The following CADPS2 variants were observed in gnomAD, a reference collection of about 807,000 sequenced individuals.
CADPS2 encodes the protein calcium dependent secretion activator 2.
In CADPS2, 93 loss-of-function variants were observed where a neutral mutation model predicts 172.5. The ratio of observed to expected loss-of-function variants is 0.54; its 90% confidence interval spans 0.46 to 0.64. The LOEUF (loss-of-function observed/expected upper bound fraction) is 0.64. CADPS2 is among the 30% of genes least tolerant of loss of function. The pLI is 0.00. For missense variants in CADPS2, 1,420 were observed against 1,565.9 expected, an observed-to-expected ratio of 0.91 and a Z score of 1.57; for synonymous variants, 546 against 555.2, an observed-to-expected ratio of 0.98 and a Z score of 0.23.
chr7:122,701,135 T>A (rs1205495025), intron 2 of CADPS2, among the ~76,000 whole-genome samples: 3 of 152,058 alleles, frequency 2.0e-5, no homozygotes, highest in African/African-American at 7.2e-5. Flanking sequence ...AATGTCACAA[T>A]CCTAGTAACT....
intron 27 of CADPS2, among the ~76,000 whole-genome samples, chr7:122,353,010 C>T (rs146713138): frequency 7.2e-4 from 109 of 152,228 alleles, no homozygotes; most frequent in African/African-American, 1.3e-3. Context: ...TGCAACAGTG[C>T]TTTACAATTC....
At chr7:122,439,835 C>A (rs994489962) in intron 16 of CADPS2, among the ~76,000 whole-genome samples, 3 of 152,092 alleles carry the variant, frequency 2.0e-5, no homozygotes, top group Non-Finnish European at 4.4e-5. Flanking sequence ...ATATGCGGAA[C>A]CACGAACGTT....
chr7:122,492,131 C>T (rs1413894502), intron 9 of CADPS2, among the ~76,000 whole-genome samples: 2 of 151,938 alleles, frequency 1.3e-5, no homozygotes, highest in Non-Finnish European at 2.9e-5. Context: ...GAGATCGCGC[C>T]ATTGCACCCC....
intron 25 of CADPS2, chr7:122,366,716 T>C (rs942169322): frequency 6.7e-5 from 10 of 149,240 alleles, no homozygotes; most frequent in Middle Eastern, 3.6e-3. Context: ...CATATATATA[T>C]ACACACATAT....
intron 1 of CADPS2, among the ~76,000 whole-genome samples, chr7:122,763,532 A>G (rs762582668): frequency 6.6e-6 from 1 of 152,186 alleles, no homozygotes; most frequent in Non-Finnish European, 1.5e-5. Context: ...ATGCCATCAT[A>G]TCCATCGTCA....
chr7:122,560,685 G>A (rs1304341715), intron 7 of CADPS2, among the ~76,000 whole-genome samples: 2 of 152,170 alleles, frequency 1.3e-5, no homozygotes, highest in Non-Finnish European at 2.9e-5. Context: ...CAGATAAGTA[G>A]AGCCTATCTC....
At chr7:122,636,885 C>T (rs146259360) in intron 3 of CADPS2, among the ~76,000 whole-genome samples, 12 of 152,140 alleles carry the variant, frequency 7.9e-5, no homozygotes, top group East Asian at 3.9e-4. Context: ...TAAATTTGTA[C>T]GTCCAACTCT....
chr7:122,830,226 C>T (rs1010454260), intron 1 of CADPS2, among the ~76,000 whole-genome samples: 2 of 152,094 alleles, frequency 1.3e-5, no homozygotes, highest in African/African-American at 4.8e-5. Context: ...TAGGAAATCA[C>T]CAAAGGAGTG....
chr7:122,638,995 G>A (rs976900802), intron 3 of CADPS2, among the ~76,000 whole-genome samples: 2 of 152,272 alleles, frequency 1.3e-5, no homozygotes, highest in African/African-American at 4.8e-5. Context: ...TCTTTTAGTA[G>A]CCTTCTCTTC....
intron 29 of CADPS2, among the ~76,000 whole-genome samples, chr7:122,323,597 T>C (rs747379754): frequency 1.3e-5 from 2 of 151,834 alleles, no homozygotes; most frequent in Non-Finnish European, 2.9e-5. Context: ...GCTTAATCTT[T>C]AACTATAAAG....
At chr7:122,598,991 A>G (rs2072334347) in intron 6 of CADPS2, among the ~76,000 whole-genome samples, 1 of 152,102 alleles carries the variant, frequency 6.6e-6, no homozygotes, top group Non-Finnish European at 1.5e-5. Context: ...GGCTCAGGGA[A>G]GCCCTCACAG....
chr7:122,861,828 CA>C (rs1817028688), intron 1 of CADPS2, among the ~76,000 whole-genome samples: 2 of 152,132 alleles, frequency 1.3e-5, no homozygotes, highest in African/African-American at 4.8e-5. Flanking sequence ...CAAAATAAAA[CA>C]TATTTAAAAA....
chr7:122,524,923 C>T (rs759785450), intron 8 of CADPS2, among the ~76,000 whole-genome samples: 8 of 151,994 alleles, frequency 5.3e-5, no homozygotes, highest in South Asian at 2.1e-4. Flanking sequence ...CTGAGGTAGG[C>T]GGATTGTTGA....
rs571327839 is a variant in CADPS2, at chr7:122,409,240, T to G, written c.2590-1544A>C. ...TGGTGACAAAAGAAGAACCTGAGAT[T>G]CTCAGCTCTGAGTAGAGCAGCACAG... On this transcript the variant is annotated intron_variant, in intron 19 of 29. Transcript: ENST00000449022. Among the ~76,000 whole-genome samples the G allele has an allele frequency of 2.6e-4, 40 of 152,292 alleles. No individual in the cohort carries two copies. In the South Asian group the frequency reaches 8.3e-3, roughly 32 times the overall value.
intron 27 of CADPS2, among the ~76,000 whole-genome samples, chr7:122,353,765 C>G (rs2038992674): frequency 6.6e-6 from 1 of 152,196 alleles, no homozygotes; most frequent in South Asian, 2.1e-4. Flanking sequence ...ACCTGGCAAA[C>G]AGTGGTGCAG....
intron 2 of CADPS2, among the ~76,000 whole-genome samples, chr7:122,722,827 C>T (rs554515967): frequency 6.6e-6 from 1 of 151,670 alleles, no homozygotes; most frequent in African/African-American, 2.4e-5. Context: ...GGTACCAAAA[C>T]AGAGATATAG....
chr7:122,523,412 CT>C (rs1165086849), intron 8 of CADPS2, among the ~76,000 whole-genome samples: 1 of 151,970 alleles, frequency 6.6e-6, no homozygotes, highest in Non-Finnish European at 1.5e-5. Flanking sequence ...ACAGTTTTTC[CT>C]GATATTTTTC....
chr7:122,554,802 G>A, intron 7 of CADPS2, 113 bp from the exon 8 acceptor site: 1 of 862,576 alleles, frequency 1.2e-6, no homozygotes, highest in Non-Finnish European at 1.7e-6. Context: ...ACACCCAAAT[G>A]TATCCAATAA....
chr7:122,611,594 T>A (rs967016389), intron 6 of CADPS2, among the ~76,000 whole-genome samples: 3 of 151,942 alleles, frequency 2.0e-5, no homozygotes, highest in African/African-American at 7.2e-5. Context: ...ATCAGAGAAT[T>A]ACTACCAAAG....
Sources: gnomAD v4.1 joint callset for allele counts (sites outside exome capture counted in the v4.1 genomes callset) on GRCh38, gnomAD v4.1.1 for gene constraint, MANE v1.5 for transcripts, NCBI Gene and HGNC (gene_info 2026-07-23, HGNC 2026-07-21) for gene names.